The following RPA3 variants were observed in gnomAD, a reference collection of about 807,000 sequenced individuals.
RPA3 encodes the protein replication protein A3, also known as replication protein A 14 kDa subunit.
A neutral mutation model predicts 13.7 loss-of-function variants in RPA3; 24 were observed. The ratio of observed to expected loss-of-function variants is 1.75; its 90% CI spans 1.27 to 2.46. The LOEUF is 2.46. RPA3 is among the 30% of genes most tolerant of loss of function. RPA3 has a pLI of 0.00. For synonymous variants in RPA3, 59 were observed against 51.2 expected (o/e 1.15, Z -0.65); for missense variants, 183 against 151.0 (o/e 1.21, Z -1.11).
chr7:7,646,567 T>A (rs1276714399), intron 4 of RPA3, among the ~76,000 whole-genome samples: 2 of 148,078 alleles, frequency 1.4e-5, no homozygotes, highest in Admixed American at 1.4e-4. Flanking sequence ...TTGTGAGGTC[T>A]CCCCAGCCAC....
At chr7:7,663,449 G>T (rs1383234508) in intron 4 of RPA3, among the ~76,000 whole-genome samples, 2 of 152,092 alleles carry the variant, frequency 1.3e-5, no homozygotes, top group Non-Finnish European at 2.9e-5. Context: ...TCAGGCATCT[G>T]TACCTCTTCC....
chr7:7,681,757 TC>T lies in RPA3; in HGVS notation c.-758+4072del, dbSNP rs1779919367. On this transcript the variant is annotated intron_variant, in intron 4 of 7. Transcript: ENST00000223129. The stretch of plus-strand genomic sequence containing the variant: ...ACTATTCGTAATTACCAGGGTTTTC[TC>T]CTGTTATGACATGTTTAATTGTACT... Among the ~76,000 whole-genome samples, 3 of 152,284 alleles carry T rather than the reference TC, an allele frequency of 2.0e-5. No homozygotes were observed. In the South Asian group the frequency reaches 6.2e-4, roughly 32 times the overall value.
At chr7:7,668,682 T>C (rs1779530378) in intron 4 of RPA3, among the ~76,000 whole-genome samples, 1 of 152,188 alleles carries the variant, frequency 6.6e-6, no homozygotes, top group African/African-American at 2.4e-5. Context: ...CCTAAAAACA[T>C]CACCAACTTC....
intron 4 of RPA3, among the ~76,000 whole-genome samples, chr7:7,679,942 C>T (rs1461274665): frequency 6.6e-6 from 1 of 151,688 alleles, no homozygotes; most frequent in Non-Finnish European, 1.5e-5. Flanking sequence ...ATTGTTCATC[C>T]ATTGTCAGAT....
intron 2 of RPA3, among the ~76,000 whole-genome samples, chr7:7,702,583 C>T (rs1563137048): frequency 1.3e-5 from 2 of 152,044 alleles, no homozygotes; most frequent in Non-Finnish European, 2.9e-5. Context: ...TACTTTTAAA[C>T]ATTGTTTTAT....
chr7:7,656,571 G>C (rs756830630), intron 4 of RPA3, among the ~76,000 whole-genome samples: 3 of 152,090 alleles, frequency 2.0e-5, no homozygotes, highest in Non-Finnish European at 4.4e-5. Context: ...GTGGTGTTTG[G>C]TTTTCTGTTC....
At chr7:7,667,830 C>T (rs1365864639) in intron 4 of RPA3, among the ~76,000 whole-genome samples, 1 of 152,206 alleles carries the variant, frequency 6.6e-6, no homozygotes, top group Non-Finnish European at 1.5e-5. Context: ...TGATGAAAAG[C>T]ATTCAGTTTT....
chr7:7,663,386 T>A (rs140890868), intron 4 of RPA3, among the ~76,000 whole-genome samples: 238 of 152,290 alleles, frequency 1.6e-3, no homozygotes, highest in African/African-American at 5.4e-3. Context: ...TCCAAGCTGT[T>A]CTGTGGAGCT....
intron 4 of RPA3, among the ~76,000 whole-genome samples, chr7:7,654,787 C>G (rs1306495769): frequency 6.6e-6 from 1 of 151,630 alleles, no homozygotes; most frequent in Admixed American, 6.6e-5. Flanking sequence ...GCCTGTAATC[C>G]CAGCTACTCT....
chr7:7,661,602 C>T (rs188514015), intron 4 of RPA3, among the ~76,000 whole-genome samples: 30 of 152,266 alleles, frequency 2.0e-4, no homozygotes, highest in East Asian at 7.7e-4. Context: ...GAGGTCCAGT[C>T]GAGACCCTGT....
chr7:7,637,026 G>C lies in RPA3; in HGVS notation c.340C>G (p.Pro114Ala). ...KIIHDFPQFY[P>A]LGIVQHD ...CAATCATGTTGCACAATCCCTAAAG[G>C]ATAAAACTGAGGGAAGTCATGGATA... is the stretch of plus-strand genomic sequence containing the variant. The change falls in exon 8 of 8, where the codon CCT becomes GCT. Residue 114 changes from proline to alanine, a missense_variant. Transcript: ENST00000223129. The C allele has an allele frequency of 6.2e-7, 1 of 1,612,134 alleles. No individual in the cohort carries two copies. Among genetic ancestry groups the C allele is most frequent in the Non-Finnish European group, 8.5e-7 (1 of 1,178,600 alleles).
intron 2 of RPA3, among the ~76,000 whole-genome samples, chr7:7,695,943 T>C (rs6964727): frequency 0.078 from 11,752 of 151,560 alleles, 503 homozygotes; most frequent in Middle Eastern, 0.12. Flanking sequence ...GACCTTTGTC[T>C]ATAGGAGGCT....
At chr7:7,675,911 T>G (rs1166606694) in intron 4 of RPA3, among the ~76,000 whole-genome samples, 1 of 152,206 alleles carries the variant, frequency 6.6e-6, no homozygotes, top group Non-Finnish European at 1.5e-5. Context: ...TGTCTCTGTT[T>G]AGCCTCATTT....
chr7:7,678,434 T>C lies in RPA3; in HGVS notation c.-758+7396A>G, dbSNP rs972677169. Among the ~76,000 whole-genome samples the C allele has an allele frequency of 8.4e-5, 12 of 143,538 alleles. No homozygotes were observed. In the Admixed American group the frequency reaches 8.5e-4, roughly 10 times the overall value. The allele number at this position is 143,538 out of a possible 152,430, so 94.2% of individuals were successfully genotyped here. A position where few individuals can be genotyped will look rare whatever the true frequency, so the allele number is the denominator to read the frequency against. On this transcript the variant is annotated intron_variant, in intron 4 of 7. Coordinates refer to ENST00000223129, the MANE Select transcript of RPA3 (RefSeq NM_002947.5). ...TAAAAAAATATATTTATATATTATT[T>C]AATATATATTTAATTTTATATAATA... is the stretch of plus-strand genomic sequence containing the variant.
intron 4 of RPA3, among the ~76,000 whole-genome samples, chr7:7,654,159 C>G (rs1391701502): frequency 1.3e-5 from 2 of 152,192 alleles, no homozygotes; most frequent in Non-Finnish European, 2.9e-5. Context: ...AAAACAAACA[C>G]AGATCCTTAA....
At chr7:7,712,496 TTC>T (rs1019932707) in intron 2 of RPA3, among the ~76,000 whole-genome samples, 10 of 152,214 alleles carry the variant, frequency 6.6e-5, no homozygotes, top group Non-Finnish European at 1.3e-4. Context: ...AAGTTGTATT[TTC>T]TGTTTGTTGC....
At chr7:7,668,780 A>G (rs1302306138) in intron 4 of RPA3, among the ~76,000 whole-genome samples, 1 of 152,238 alleles carries the variant, frequency 6.6e-6, no homozygotes, top group Non-Finnish European at 1.5e-5. Context: ...AAAACAAGTA[A>G]GATAATTATT....
At chr7:7,715,508 C>T (rs572256676) in intron 1 of RPA3, among the ~76,000 whole-genome samples, 52 of 152,178 alleles carry the variant, frequency 3.4e-4, no homozygotes, top group Non-Finnish European at 5.4e-4. Flanking sequence ...TCATGCATTC[C>T]GACAATATCT....
chr7:7,664,408 T>C (rs1557998), intron 4 of RPA3, among the ~76,000 whole-genome samples: 99,225 of 151,992 alleles, frequency 0.65, 32,629 homozygotes, highest in East Asian at 0.87. Context: ...GACTCCAGAC[T>C]GCCCAGTAAT....
Sources: allele counts gnomAD v4.1 joint callset (sites outside exome capture counted in the v4.1 genomes callset), GRCh38; gene constraint gnomAD v4.1.1; transcripts MANE v1.5; gene names NCBI Gene and HGNC (gene_info 2026-07-23, HGNC 2026-07-21).